The following FHIT variants were observed in gnomAD, a reference collection of about 807,000 sequenced individuals.
FHIT encodes the protein fragile histidine triad diadenosine triphosphatase, also known as bis(5'-adenosyl)-triphosphatase.
A neutral mutation model predicts 17.9 loss-of-function variants in FHIT; 19 were observed. That is an observed-to-expected ratio of 1.06 (90% confidence interval 0.74 to 1.56). The LOEUF is 1.56. Ranked by LOEUF, FHIT falls within the 40% of genes most tolerant of loss-of-function variation. The pLI is 0.00. For synonymous variants in FHIT, 81 were observed against 69.7 expected, an observed-to-expected ratio of 1.16 and a Z score of -0.81; for missense variants, 248 against 189.2, an observed-to-expected ratio of 1.31 and a Z score of -1.82.
At chr3:59,915,272 G>A (rs1450197884) in intron 8 of FHIT, among the ~76,000 whole-genome samples, 1 of 152,316 alleles carries the variant, frequency 6.6e-6, no homozygotes, top group East Asian at 1.9e-4. Context: ...GTGAAATAAT[G>A]AGAGAGGACC....
chr3:60,040,653 G>A (rs754663383), intron 5 of FHIT, among the ~76,000 whole-genome samples: 17 of 152,164 alleles, frequency 1.1e-4, no homozygotes, highest in Non-Finnish European at 2.1e-4. Flanking sequence ...GAGAACTGCG[G>A]AGGCTAAGCC....
intron 5 of FHIT, among the ~76,000 whole-genome samples, chr3:60,027,756 T>C (rs945341713): frequency 6.6e-6 from 1 of 151,586 alleles, no homozygotes; most frequent in East Asian, 1.9e-4. Context: ...GATTGAAGGA[T>C]AGTATTTTGG....
At chr3:60,770,156 T>A (rs893488896) in intron 4 of FHIT, among the ~76,000 whole-genome samples, 1 of 152,162 alleles carries the variant, frequency 6.6e-6, no homozygotes, top group African/African-American at 2.4e-5. Flanking sequence ...CAACCCCAAA[T>A]GAGCAGAAGC....
intron 5 of FHIT, among the ~76,000 whole-genome samples, chr3:60,056,796 C>T (rs533994840): frequency 1.3e-4 from 20 of 152,270 alleles, no homozygotes; most frequent in Admixed American, 3.9e-4. Flanking sequence ...AAAGAGGGGC[C>T]AATACTTTTA....
chr3:60,294,647 C>T (rs1247446636), intron 5 of FHIT, among the ~76,000 whole-genome samples: 1 of 152,150 alleles, frequency 6.6e-6, no homozygotes, highest in African/African-American at 2.4e-5. Flanking sequence ...GCACAAAGGT[C>T]CCTCATGTTG....
chr3:60,653,393 A>T (rs2040041185), intron 4 of FHIT, among the ~76,000 whole-genome samples: 1 of 152,140 alleles, frequency 6.6e-6, no homozygotes, highest in African/African-American at 2.4e-5. Context: ...CGTTGGAAAA[A>T]ATCTCCTAGA....
At position 60,515,294 on chromosome 3, in the gene FHIT, C is replaced by G. The variant is rs995706957; in HGVS notation, c.103+21566G>C. Among the ~76,000 whole-genome samples, 7 of 152,138 alleles carry G rather than the reference C, an allele frequency of 4.6e-5. No homozygotes were observed. The South Asian group carries it at 6.2e-4, about 14-fold the overall frequency. ...AAGGCAGGAGATCCTGCCCCTGTCC[C>G]TGGCACAGAACACAAACAGCACCAC... On this transcript the variant is annotated intron_variant, in intron 5 of 9. Transcript: ENST00000492590.
intron 3 of FHIT, among the ~76,000 whole-genome samples, chr3:60,846,700 T>C (rs1365761013): frequency 1.3e-5 from 2 of 152,252 alleles, no homozygotes; most frequent in African/African-American, 2.4e-5. Context: ...AGGTAGGTGA[T>C]GAAGTGCAAA....
intron 5 of FHIT, among the ~76,000 whole-genome samples, chr3:60,314,226 G>C (rs1709069627): frequency 6.7e-6 from 1 of 150,370 alleles, no homozygotes; most frequent in South Asian, 2.1e-4. Flanking sequence ...ATTTCTGGTA[G>C]ATGATTAATA....
intron 3 of FHIT, among the ~76,000 whole-genome samples, chr3:60,964,815 G>T (rs1268948973): frequency 6.6e-6 from 1 of 152,056 alleles, no homozygotes; most frequent in Non-Finnish European, 1.5e-5. Context: ...TAGTCTGATG[G>T]GCTTCCCTTT....
chr3:59,860,565 C>G (rs7629400), intron 8 of FHIT, among the ~76,000 whole-genome samples: 50,094 of 152,028 alleles, frequency 0.33, 9,104 homozygotes, highest in East Asian at 0.6. Flanking sequence ...CCTTAAGACA[C>G]AGGTATTTAT....
chr3:59,792,629 C>G (rs532706512), intron 8 of FHIT, among the ~76,000 whole-genome samples: 2 of 152,108 alleles, frequency 1.3e-5, no homozygotes, highest in Admixed American at 1.3e-4. Flanking sequence ...AAGGAAATTA[C>G]AGATGTTAAA....
intron 7 of FHIT, among the ~76,000 whole-genome samples, chr3:59,985,180 A>C (rs111629612): frequency 6.6e-6 from 1 of 152,054 alleles, no homozygotes; most frequent in African/African-American, 2.4e-5. Flanking sequence ...GAAAGGACTA[A>C]AGTTAATTTG....
chr3:61,052,864 G>A (rs2034077976), intron 2 of FHIT, among the ~76,000 whole-genome samples: 1 of 151,750 alleles, frequency 6.6e-6, no homozygotes, highest in African/African-American at 2.4e-5. Flanking sequence ...TTTTTTAAAT[G>A]AAGATGACTT....
At chr3:60,617,544 C>G (rs781907631) in intron 4 of FHIT, 2 of 152,838 alleles carry the variant, frequency 1.3e-5, no homozygotes, top group African/African-American at 2.4e-5. Flanking sequence ...CAGGTAAAAA[C>G]TAACATTGAA....
At chr3:61,097,078 CAAAAA>C (rs4020380) in intron 2 of FHIT, among the ~76,000 whole-genome samples, 2 of 99,752 alleles carry the variant, frequency 2.0e-5, no homozygotes, top group Non-Finnish European at 2.0e-5. Context: ...GACTCAATCT[CAAAAA>C]AAAAAAAAAA....
intron 7 of FHIT, among the ~76,000 whole-genome samples, chr3:59,937,295 GA>G (rs1276261869): frequency 7.2e-5 from 11 of 151,998 alleles, no homozygotes; most frequent in Admixed American, 7.2e-4. Context: ...TAACTAGAGA[GA>G]AAAAAAGATG....
intron 4 of FHIT, among the ~76,000 whole-genome samples, chr3:60,750,527 T>C (rs2042445099): frequency 6.6e-6 from 1 of 152,142 alleles, no homozygotes; most frequent in South Asian, 2.1e-4. Context: ...ATCTGATGGT[T>C]TTTAAAATGG....
At chr3:61,007,802 A>G (rs2107616983) in intron 3 of FHIT, among the ~76,000 whole-genome samples, 1 of 152,258 alleles carries the variant, frequency 6.6e-6, no homozygotes, top group Admixed American at 6.5e-5. Flanking sequence ...CATCTTCTCC[A>G]AAGAATTGCC....
Sources: gnomAD v4.1 joint callset for allele counts (sites outside exome capture counted in the v4.1 genomes callset) on GRCh38, gnomAD v4.1.1 for gene constraint, MANE v1.5 for transcripts, NCBI Gene and HGNC (gene_info 2026-07-23, HGNC 2026-07-21) for gene names.